SALL1: variants seen among roughly 807,000 people sequenced by gnomAD.
The protein encoded by SALL1 is sal-like protein 1.
A neutral mutation model predicts 73.1 loss-of-function variants in SALL1; 10 were observed. The ratio of observed to expected loss-of-function variants is 0.14; its 90% CI spans 0.08 to 0.23. The LOEUF (loss-of-function observed/expected upper bound fraction) is 0.23. SALL1 is among the 10% of genes least tolerant of loss of function. The pLI is 1.00. For missense variants in SALL1, 1,520 were observed against 1,697.3 expected (o/e 0.90, Z 1.84); for synonymous variants, 688 against 689.8 (o/e 1.00, Z 0.04).
Position 51,139,953 on chromosome 16 carries a change from G to A in SALL1, c.2269C>T (p.Arg757Cys), listed in dbSNP as rs377342041. ...GNLKTHYSVH[R>C]AMPPLRVQHS... The stretch of plus-strand genomic sequence containing the variant: ...TGGACTCTGAGCGGGGGCATAGCAC[G>A]ATGGACACTGTAGTGGGTTTTAAGA... The change falls in exon 2 of 3, where the codon CGT becomes TGT. Residue 757 changes from arginine to cysteine, a missense_variant. Arg to Cys is a radical substitution (Grantham distance 180, BLOSUM62 -3). Coordinates refer to ENST00000251020, the MANE Select transcript of SALL1 (RefSeq NM_002968.3). 2.1e-5 allele frequency: 34 copies of A among 1,614,096 alleles called. No individual in the cohort carries two copies. In the Middle Eastern group the frequency reaches 1.3e-3, roughly 62 times the overall value.
chr16:51,137,107 C>T lies in SALL1; in HGVS notation c.*5G>A. 1.2e-6 allele frequency: 2 copies of T among 1,614,082 alleles called. No individual in the cohort carries two copies. Among genetic ancestry groups the T allele is most frequent in the Middle Eastern group, 3.3e-4 (2 of 6,062 alleles). On this transcript the variant is annotated 3_prime_UTR_variant, in exon 3 of 3. Transcript: ENST00000251020. ...ATGAATGCTATGTCTCCAGCCCGAG[C>T]TGCTTTAACTCGTGACGATCTCCTT...
Position 51,141,750 on chromosome 16 carries a change from T to TGCTGCTGCC in SALL1, c.471_472insGGCAGCAGC (p.Ser157_Ser158insGlySerSer). 6.6e-7 allele frequency: 1 copy of TGCTGCTGCC among 1,517,942 alleles called. No homozygotes were observed. Among genetic ancestry groups the TGCTGCTGCC allele is most frequent in the Non-Finnish European group, 9.1e-7 (1 of 1,102,130 alleles). The allele number at this position is 1,517,942 out of a possible 1,614,324, so 94.0% of individuals were successfully genotyped here. ...GAGGAGCTGCCGCCGCCGCCGCTGC[T>TGCTGCTGCC]GCTGCTGCTGCTGCTGCTGCTGCTT... On this transcript the variant is annotated inframe_insertion, in exon 2 of 3. Coordinates refer to ENST00000251020, the MANE Select transcript of SALL1 (RefSeq NM_002968.3). This position sits in a 1 kb window ranked among gnomAD's most constrained non-coding sequence, Gnocchi z 5.4.
At chr16:51,145,098 TAAAAAAA>T (rs3037182) in intron 1 of SALL1, among the ~76,000 whole-genome samples, 1 of 145,822 alleles carries the variant, frequency 6.9e-6, no homozygotes, top group Non-Finnish European at 1.5e-5. Context: ...GTCTTTTACT[TAAAAAAA>T]AAAAAAGACA....
Position 51,138,695 on chromosome 16 carries a change from T to A in SALL1, c.3527A>T (p.Asn1176Ile). 1 of 1,612,642 alleles carries A rather than the reference T, an allele frequency of 6.2e-7. No homozygotes were observed. The change falls in exon 2 of 3, where the codon AAT becomes ATT. Residue 1176 changes from asparagine to isoleucine, a missense_variant. Around this residue, in one of 7 missense-constraint regions of SALL1, gnomAD observed 318 missense variants for 357.1 expected, o/e 0.89. Transcript: ENST00000251020. ...GCAGAGAGAGCAAGGTACCTTAAGA[T>A]TGCCTTTAGTCGTGAAAGCTCTTCC... is the stretch of plus-strand genomic sequence containing the variant. Reference protein sequence around the residue: ...ICGRAFTTKGNLKVHMGTHMW... With the variant: ...ICGRAFTTKGILKVHMGTHMW...
intron 1 of SALL1, among the ~76,000 whole-genome samples, chr16:51,148,105 A>G (rs1962545014): frequency 1.3e-5 from 2 of 152,224 alleles, no homozygotes; most frequent in African/African-American, 4.8e-5. Flanking sequence ...AAATACCAGC[A>G]TCCTGAAATC....
rs1962305081 is a variant in SALL1 at position 51,136,630 on chromosome 16, G to A, written c.*482C>T. ...TCCTTTCCTTAAATCTGTTTTGAAA[G>A]ATTAGACAATGTGTTTGCTGATAAA... is the stretch of plus-strand genomic sequence containing the variant. On this transcript the variant is annotated 3_prime_UTR_variant, in exon 3 of 3. Coordinates refer to ENST00000251020, the MANE Select transcript of SALL1 (RefSeq NM_002968.3). The A allele has an allele frequency of 6.1e-6, 1 of 164,652 alleles. No individual in the cohort carries two copies. Among genetic ancestry groups the A allele is most frequent in the Non-Finnish European group, 1.3e-5 (1 of 75,210 alleles). 10.2% of individuals were successfully genotyped at this position (164,652 alleles called of 1,614,324 possible).
chr16:51,150,904 C>T (rs1431113128), intron 1 of SALL1: 1 of 378,498 alleles, frequency 2.6e-6, no homozygotes, highest in Non-Finnish European at 4.7e-6. Context: ...TGCCCGCCCT[C>T]CTTCCCCCGG....
intron 2 of SALL1, 124 bp from the exon 3 acceptor site, chr16:51,137,676 C>T (rs1183359154): frequency 2.8e-6 from 2 of 720,624 alleles, no homozygotes; most frequent in African/African-American, 1.8e-5. Flanking sequence ...AAGCAAGTGG[C>T]CTAAATGTCT....
rs141064360 is a variant in SALL1 at position 51,138,765 on chromosome 16, C to T, written c.3457G>A (p.Glu1153Lys). ...GGTTTCTCTCCAGTGTGAGTTCTCT[C>T]GTGAATCTGCAGGGCACTCGATGAG... Reference protein sequence around the residue: ...FSSSSALQIHERTHTGEKPFA... With the variant: ...FSSSSALQIHKRTHTGEKPFA... The change falls in exon 2 of 3, where the codon GAG becomes AAG. Residue 1153 changes from glutamate (E) to lysine (K), a missense_variant. Physicochemically the swap from Glu to Lys is moderately conservative, Grantham distance 56 (BLOSUM62 1). Transcript: ENST00000251020. The T allele has an allele frequency of 2.5e-6, 4 of 1,614,026 alleles. No homozygotes were observed. Among genetic ancestry groups the T allele is most frequent in the Non-Finnish European group, 1.7e-6 (2 of 1,180,034 alleles).
intron 1 of SALL1, among the ~76,000 whole-genome samples, chr16:51,145,406 T>C (rs907027286): frequency 6.6e-6 from 1 of 152,198 alleles, no homozygotes; most frequent in Non-Finnish European, 1.5e-5. Context: ...TCCTTTTCTA[T>C]GGATTTTGCA....
intron 1 of SALL1, chr16:51,150,832 T>C: frequency 4.0e-6 from 1 of 247,442 alleles, no homozygotes; most frequent in Non-Finnish European, 7.6e-6. Flanking sequence ...CTCATGGGGC[T>C]CCCGGGTCTT....
intron 1 of SALL1, chr16:51,150,396 G>A (rs1962579268): frequency 4.1e-6 from 4 of 985,514 alleles, no homozygotes; most frequent in Non-Finnish European, 4.8e-6. Context: ...AGATTTTGGG[G>A]GGCAGAGGGT....
intron 1 of SALL1, among the ~76,000 whole-genome samples, chr16:51,145,683 G>A (rs1456019625): frequency 6.6e-6 from 1 of 152,064 alleles, no homozygotes; most frequent in Non-Finnish European, 1.5e-5. Context: ...GCAGAAAATT[G>A]AAGTGTTCTA....
At chr16:51,151,348 C>A (rs1307849628), upstream of SALL1, 18 of 602,074 alleles carry the variant, frequency 3.0e-5, 1 homozygote, top group Admixed American at 4.0e-4. Flanking sequence ...CCCCGCCCGC[C>A]GGCCCGCCCG....
At chr16:51,151,320 G>A (rs1962601663), upstream of SALL1, 3 of 1,072,638 alleles carry the variant, frequency 2.8e-6, no homozygotes, top group East Asian at 3.6e-5. Context: ...ATCGAGCGGC[G>A]GCGGCGGCGG....
rs1490381562 is a variant in SALL1 at position 51,136,011 on chromosome 16, AT to A, written c.*1100del. On this transcript the variant is annotated 3_prime_UTR_variant, in exon 3 of 3. Coordinates refer to ENST00000251020, the MANE Select transcript of SALL1 (RefSeq NM_002968.3). The stretch of plus-strand genomic sequence containing the variant: ...GTTTTATCTGTTGCAAAAAAAATGT[AT>A]TTGATTACTTGAGTAAAATTACAGT... 9.8e-5 allele frequency: 15 copies of A among 152,762 alleles called. No individual in the cohort carries two copies. Among genetic ancestry groups the A allele is most frequent in the African/African-American group, 3.4e-4 (14 of 41,590 alleles). The allele number at this position is 152,762 out of a possible 1,614,324, so 9.5% of individuals were successfully genotyped here. A position where few individuals can be genotyped will look rare whatever the true frequency, so the allele number is the denominator to read the frequency against.
At position 51,142,147 on chromosome 16, in the gene SALL1, T is replaced by G. The variant is rs1263477535; in HGVS notation, c.77-2A>C. ...TCGGTTGACCCTTTTCTGTGTCTCC[T>G]ACAAATGTCAAAAAGGTGCAGGATT... is the stretch of plus-strand genomic sequence containing the variant. On this transcript the variant is annotated splice_acceptor_variant, in intron 1 of 2. Transcript: ENST00000251020. LOFTEE classifies it high-confidence loss of function. The G allele has an allele frequency of 6.2e-7, 1 of 1,609,436 alleles. No homozygotes were observed. The highest frequency in any genetic ancestry group is 8.5e-7 in the Non-Finnish European group (1 of 1,177,596).
At chr16:51,146,332 T>A (rs999578127) in intron 1 of SALL1, among the ~76,000 whole-genome samples, 1 of 152,066 alleles carries the variant, frequency 6.6e-6, no homozygotes, top group African/African-American at 2.4e-5. Context: ...AAGGGGAAAA[T>A]GTCTTTCCCA....
rs767300840 is a variant in SALL1, at chr16:51,139,513, G to C, written c.2709C>G (p.Ser903=). ...GGCTTTCCATGTCACCACCCACTGA[G>C]GATGAATCATTGGTCAGGACATCCC... ...IEGDVLTNDS[S]SVGGDMESQS... is the part of the protein sequence containing the mutation. Residue 903 remains serine, a synonymous_variant, in exon 2 of 3, where the codon TCC becomes TCG. Coordinates refer to ENST00000251020, the MANE Select transcript of SALL1 (RefSeq NM_002968.3). 2 of 1,614,244 alleles carry C rather than the reference G, an allele frequency of 1.2e-6. No homozygotes were observed. The highest frequency in any genetic ancestry group is 1.3e-5 in the African/African-American group (1 of 75,058).
Sources: gnomAD v4.1 joint callset for allele counts (sites outside exome capture counted in the v4.1 genomes callset) on GRCh38, gnomAD v4.1.1 for gene constraint, gnomAD v4.1.1 regional missense constraint, Gnocchi (gnomAD v3.1) non-coding constraint, MANE v1.5 for transcripts, NCBI Gene and HGNC (gene_info 2026-07-23, HGNC 2026-07-21) for gene names.